CREM: variants seen among roughly 807,000 people sequenced by gnomAD.
The protein encoded by CREM is cAMP responsive element modulator, also known as cAMP-responsive element modulator.
In CREM, 13 loss-of-function variants were observed where a neutral mutation model predicts 37.3. The ratio of observed to expected loss-of-function variants is 0.35; its 90% CI spans 0.23 to 0.55. The LOEUF (loss-of-function observed/expected upper bound fraction) is 0.55. CREM is among the 20% of genes least tolerant of loss of function. CREM has a pLI of 0.88. For missense variants in CREM, 296 were observed against 362.3 expected (o/e 0.82, Z 1.49); for synonymous variants, 124 against 120.2 (o/e 1.03, Z -0.21).
intron 5 of CREM, among the ~76,000 whole-genome samples, chr10:35,185,726 G>T (rs1158933817): frequency 6.6e-6 from 1 of 152,146 alleles, no homozygotes; most frequent in Non-Finnish European, 1.5e-5. Flanking sequence ...ACTGCTCTAG[G>T]TGAGCCAGAT....
At position 35,149,889 on chromosome 10, in the gene CREM, A is replaced by ACACACACACAC. The variant is rs57052032; in HGVS notation, c.168+1398_168+1399insCACACACACAC. On this transcript the variant is annotated intron_variant, in intron 3 of 7. Transcript: ENST00000685392. ...TAGGTTAGGCCAGGCCTTTTGCTTA[A>ACACACACACAC]ACACACACACACACACACACACACA... is the stretch of plus-strand genomic sequence containing the variant. 3.6e-5 allele frequency among the ~76,000 whole-genome samples: 4 copies of ACACACACACAC among 111,922 alleles called. No individual in the cohort carries two copies. The East Asian group carries it at 8.2e-4, about 23-fold the overall frequency. 73.4% of individuals were successfully genotyped at this position (111,922 alleles called of 152,430 possible). A position where few individuals can be genotyped will look rare whatever the true frequency, so the allele number is the denominator to read the frequency against.
At chr10:35,133,089 G>A (rs1017955683) in intron 1 of CREM, among the ~76,000 whole-genome samples, 2 of 152,014 alleles carry the variant, frequency 1.3e-5, no homozygotes, top group Non-Finnish European at 2.9e-5. Context: ...TTTTGAGTAT[G>A]CTAGTTGCAG....
intron 2 of CREM, among the ~76,000 whole-genome samples, chr10:35,142,318 C>G (rs1312592423): frequency 6.6e-6 from 1 of 151,968 alleles, no homozygotes; most frequent in Non-Finnish European, 1.5e-5. Flanking sequence ...GGCATGGGCT[C>G]CAAACAACAG....
chr10:35,143,755 G>C (rs540332667), intron 2 of CREM, among the ~76,000 whole-genome samples: 2 of 152,130 alleles, frequency 1.3e-5, no homozygotes, highest in African/African-American at 2.4e-5. Flanking sequence ...GGGTTTTTAC[G>C]AGGGAGTAAA....
chr10:35,190,839 T>C (rs895578972), intron 6 of CREM, among the ~76,000 whole-genome samples: 4 of 151,986 alleles, frequency 2.6e-5, no homozygotes, highest in African/African-American at 9.7e-5. Flanking sequence ...TTTTTTTGTA[T>C]TTTTAGTAGA....
At chr10:35,134,603 A>G (rs1010133796) in intron 1 of CREM, among the ~76,000 whole-genome samples, 8 of 152,166 alleles carry the variant, frequency 5.3e-5, no homozygotes, top group South Asian at 4.1e-4. Flanking sequence ...GCATTTTCCA[A>G]CATTTGCTTT....
intron 1 of CREM, among the ~76,000 whole-genome samples, chr10:35,129,698 C>T (rs1217000053): frequency 2.0e-5 from 3 of 152,158 alleles, no homozygotes; most frequent in Non-Finnish European, 2.9e-5. Context: ...GATTGAGAGA[C>T]GTTATTTTTT....
At chr10:35,199,072 C>T (rs2095306848) in intron 6 of CREM, among the ~76,000 whole-genome samples, 1 of 152,204 alleles carries the variant, frequency 6.6e-6, no homozygotes, top group Admixed American at 6.5e-5. Context: ...TCACTTGAAC[C>T]TGGGAGGTGG....
chr10:35,137,994 T>A, intron 2 of CREM, 115 bp downstream of exon 2: 2 of 607,136 alleles, frequency 3.3e-6, no homozygotes, highest in Non-Finnish European at 5.0e-6. Context: ...ATATATTCTA[T>A]TATAATATAT....
chr10:35,128,978 G>A (rs1282196688), intron 1 of CREM, among the ~76,000 whole-genome samples: 1 of 152,178 alleles, frequency 6.6e-6, no homozygotes, highest in African/African-American at 2.4e-5. Flanking sequence ...TATTAAAACT[G>A]ATGTTTAAAG....
chr10:35,207,944 T>C lies in CREM; in HGVS notation c.755+893T>C, dbSNP rs145268260. Among the ~76,000 whole-genome samples the C allele has an allele frequency of 3.3e-4, 51 of 152,276 alleles. No homozygotes were observed. In the East Asian group the frequency reaches 9.5e-3, roughly 28 times the overall value. On this transcript the variant is annotated intron_variant, in intron 7 of 7. Transcript: ENST00000685392. ...ACATCCCTATGTTGTAAGGGTGATG[T>C]CCAAAAGATACAGTAATTTTTAAAA...
At chr10:35,158,808 TGTTGTTTTGTTTG>T (rs373342394) in intron 3 of CREM, among the ~76,000 whole-genome samples, 11,345 of 133,970 alleles carry the variant, frequency 0.085, 814 homozygotes, top group Middle Eastern at 0.13. Flanking sequence ...GTTTTTTTTT[TGTTGTTTTGTTTG>T]TTTTTTTTTT....
intron 3 of CREM, chr10:35,175,573 T>A: frequency 1.7e-6 from 2 of 1,208,590 alleles, no homozygotes; most frequent in Non-Finnish European, 1.2e-6. Flanking sequence ...GTAGTTTAAC[T>A]GCTTTAGAAC....
intron 5 of CREM, among the ~76,000 whole-genome samples, chr10:35,187,219 A>T (rs1455630394): frequency 3.0e-4 from 31 of 103,452 alleles, no homozygotes; most frequent in African/African-American, 1.2e-3. Flanking sequence ...TTATATATTT[A>T]TATATATAAA....
intron 3 of CREM, among the ~76,000 whole-genome samples, chr10:35,163,173 G>A (rs748622473): frequency 8.6e-5 from 13 of 151,992 alleles, no homozygotes; most frequent in Non-Finnish European, 1.9e-4. Context: ...TCATGCCACC[G>A]CACTCCAGCC....
At chr10:35,145,369 C>A (rs570892370) in intron 2 of CREM, among the ~76,000 whole-genome samples, 1 of 152,242 alleles carries the variant, frequency 6.6e-6, no homozygotes, top group Non-Finnish European at 1.5e-5. Flanking sequence ...GTCCTTTCTA[C>A]CTGGTGAAAT....
At chr10:35,127,854 C>CTT (rs34451255) in intron 1 of CREM, among the ~76,000 whole-genome samples, 44 of 149,320 alleles carry the variant, frequency 2.9e-4, no homozygotes, top group Non-Finnish European at 4.0e-4. Context: ...ATTAAACATA[C>CTT]TTTTTTTTTT....
chr10:35,177,508 A>G (rs1363353314), intron 3 of CREM, among the ~76,000 whole-genome samples: 2 of 152,140 alleles, frequency 1.3e-5, no homozygotes, highest in African/African-American at 4.8e-5. Flanking sequence ...TATGTTACCC[A>G]GGTTTGTGTT....
chr10:35,138,446 T>A (rs1448253306), intron 2 of CREM, among the ~76,000 whole-genome samples: 2 of 152,082 alleles, frequency 1.3e-5, no homozygotes, highest in African/African-American at 4.8e-5. Flanking sequence ...TTAGAAGAGA[T>A]GAAAAATTTT....
Sources: gnomAD v4.1 joint callset for allele counts (sites outside exome capture counted in the v4.1 genomes callset) on GRCh38, gnomAD v4.1.1 for gene constraint, MANE v1.5 for transcripts, NCBI Gene and HGNC (gene_info 2026-07-23, HGNC 2026-07-21) for gene names.